The following SIPA1L1 variants were observed in gnomAD, a reference collection of about 807,000 sequenced individuals.
SIPA1L1 encodes the protein signal induced proliferation associated 1 like 1, also known as signal-induced proliferation-associated 1-like protein 1.
A neutral mutation model predicts 162.7 loss-of-function variants in SIPA1L1; 26 were observed. That is an observed-to-expected ratio of 0.16 (90% CI 0.12 to 0.22). The LOEUF is 0.22. Ranked by LOEUF, SIPA1L1 falls within the 10% of genes least tolerant of loss-of-function variation. SIPA1L1 has a pLI of 1.00. For synonymous variants in SIPA1L1, 829 were observed against 837.4 expected, an observed-to-expected ratio of 0.99 and a Z score of 0.17; for missense variants, 1,874 against 2,241.0, an observed-to-expected ratio of 0.84 and a Z score of 3.31.
intron 20 of SIPA1L1, 145 bp from the exon 21 acceptor site, chr14:71,733,521 G>T: frequency 1.3e-6 from 1 of 788,978 alleles, no homozygotes; most frequent in Non-Finnish European, 2.0e-6. Flanking sequence ...GTCAGCTTTA[G>T]AATAGCCACT....
At chr14:71,728,709 G>A (rs1419445150) in intron 19 of SIPA1L1, among the ~76,000 whole-genome samples, 2 of 152,186 alleles carry the variant, frequency 1.3e-5, no homozygotes, top group African/African-American at 2.4e-5. Context: ...TCCCAGGGTG[G>A]CTTTCAACCA....
At chr14:71,626,039 T>C (rs1001767092) in intron 7 of SIPA1L1, among the ~76,000 whole-genome samples, 4 of 151,930 alleles carry the variant, frequency 2.6e-5, no homozygotes, top group African/African-American at 9.7e-5. Flanking sequence ...CTATAAAGAG[T>C]TGAACTCAAA....
At chr14:71,516,680 T>C (rs1043447479) in intron 3 of SIPA1L1, among the ~76,000 whole-genome samples, 2 of 146,210 alleles carry the variant, frequency 1.4e-5, no homozygotes, top group Non-Finnish European at 3.0e-5. Context: ...TAAAAATGCC[T>C]TTTTTTTTTT....
At chr14:71,680,279 A>G (rs1449591328) in intron 12 of SIPA1L1, among the ~76,000 whole-genome samples, 5 of 152,208 alleles carry the variant, frequency 3.3e-5, no homozygotes, top group Admixed American at 3.3e-4. Context: ...AACTCACTCA[A>G]AACAGCTCAA....
rs1481464813 is a variant in SIPA1L1 at position 71,646,281 on chromosome 14, A to G, written c.1819-4054A>G. ...AAGCTCAGCCTCCCGGGTTCACGCC[A>G]TTCTCCTGCCTCAGCCTCCCGAGTA... On this transcript the variant is annotated intron_variant, in intron 7 of 23. Transcript: ENST00000381232. Among the ~76,000 whole-genome samples the G allele has an allele frequency of 4.0e-5, 6 of 148,902 alleles. No homozygotes were observed. In the East Asian group the frequency reaches 1.2e-3, roughly 30 times the overall value.
intron 4 of SIPA1L1, among the ~76,000 whole-genome samples, chr14:71,552,759 T>C (rs1033237672): frequency 2.0e-5 from 3 of 152,152 alleles, no homozygotes; most frequent in Non-Finnish European, 4.4e-5. Flanking sequence ...GAAAGTTCAG[T>C]CATTCCATAC....
intron 2 of SIPA1L1, among the ~76,000 whole-genome samples, chr14:71,401,357 T>A (rs756253242): frequency 6.6e-6 from 1 of 152,140 alleles, no homozygotes; most frequent in South Asian, 2.1e-4. Context: ...TTTTTTACTT[T>A]CTTTATTCTT....
At chr14:71,483,945 C>G (rs1177435921) in intron 2 of SIPA1L1, among the ~76,000 whole-genome samples, 1 of 152,182 alleles carries the variant, frequency 6.6e-6, no homozygotes, top group African/African-American at 2.4e-5. Context: ...CCTCTGCACT[C>G]CGTAGCACCC....
At chr14:71,552,422 C>T (rs1440262851) in intron 4 of SIPA1L1, among the ~76,000 whole-genome samples, 2 of 150,864 alleles carry the variant, frequency 1.3e-5, no homozygotes, top group South Asian at 2.1e-4. Flanking sequence ...GACGGAGTCC[C>T]GCTCTTTAGC....
chr14:71,719,795 TGTG>T (rs2083554609), intron 17 of SIPA1L1, among the ~76,000 whole-genome samples: 1 of 152,196 alleles, frequency 6.6e-6, no homozygotes, highest in Admixed American at 6.5e-5. Flanking sequence ...CCTGGCCTAT[TGTG>T]GGACTTTTTA....
Position 71,457,693 on chromosome 14 carries a change from C to T in SIPA1L1, c.-464-55050C>T, listed in dbSNP as rs529559057. Among the ~76,000 whole-genome samples, 4 of 152,188 alleles carry T rather than the reference C, an allele frequency of 2.6e-5. No individual in the cohort carries two copies. In the East Asian group the frequency reaches 7.7e-4, roughly 29 times the overall value. On this transcript the variant is annotated intron_variant, in intron 2 of 23. Transcript: ENST00000381232. The stretch of plus-strand genomic sequence containing the variant: ...CACTGCAACCTCCGCCTCCCAGGTT[C>T]AATCAATTCTCCTGCCTTAGCCTCC...
chr14:71,515,234 T>G (rs2144592759), intron 3 of SIPA1L1, among the ~76,000 whole-genome samples: 1 of 152,328 alleles, frequency 6.6e-6, no homozygotes, highest in East Asian at 1.9e-4. Flanking sequence ...TTATTCAGAG[T>G]GCTCTGAAGG....
chr14:71,400,276 G>T (rs1282282532), intron 2 of SIPA1L1, among the ~76,000 whole-genome samples: 1 of 152,122 alleles, frequency 6.6e-6, no homozygotes, highest in Non-Finnish European at 1.5e-5. Flanking sequence ...GGGGGATTAG[G>T]ACTATCTGTT....
chr14:71,424,487 G>T (rs183684611), intron 2 of SIPA1L1, among the ~76,000 whole-genome samples: 1 of 152,082 alleles, frequency 6.6e-6, no homozygotes, highest in Non-Finnish European at 1.5e-5. Flanking sequence ...TATCATGAAA[G>T]GGTGTTGAAT....
chr14:71,636,986 G>A lies in SIPA1L1; in HGVS notation c.1818+12750G>A, dbSNP rs565144686. On this transcript the variant is annotated intron_variant, in intron 7 of 23. Coordinates refer to ENST00000381232, the MANE Select transcript of SIPA1L1 (RefSeq NM_001386936.1). ...GAATTATTTGAACCCGGGAGGCAGG[G>A]GTCGCAGTGAGCTGAGATGGCGCCA... Among the ~76,000 whole-genome samples the A allele has an allele frequency of 7.3e-5, 11 of 151,522 alleles. No individual in the cohort carries two copies. In the South Asian group the frequency reaches 1.5e-3, roughly 20 times the overall value.
intron 2 of SIPA1L1, among the ~76,000 whole-genome samples, chr14:71,403,916 AACT>A (rs1330628032): frequency 6.6e-6 from 1 of 151,996 alleles, no homozygotes; most frequent in Non-Finnish European, 1.5e-5. Context: ...TTGCCTCTGA[AACT>A]ACTATTTTAT....
At chr14:71,699,970 T>C (rs2081961412) in intron 14 of SIPA1L1, among the ~76,000 whole-genome samples, 1 of 152,190 alleles carries the variant, frequency 6.6e-6, no homozygotes, top group Admixed American at 6.5e-5. Context: ...CAAAGAACAA[T>C]TAAGTTCTTC....
At chr14:71,672,234 A>G in intron 11 of SIPA1L1, 114 bp from the exon 12 acceptor site, 1 of 989,508 alleles carries the variant, frequency 1.0e-6, no homozygotes, top group Non-Finnish European at 1.5e-6. Flanking sequence ...ACTGCTCTTC[A>G]GCTGGCAATA....
intron 22 of SIPA1L1, 51 bp from the exon 23 acceptor site, chr14:71,738,187 CAAA>C (rs1555372069): frequency 3.6e-6 from 1 of 278,842 alleles, no homozygotes; most frequent in South Asian, 7.0e-5. Flanking sequence ...AAAAAAAAAA[CAAA>C]CCCAGCCATG....
Sources: gnomAD v4.1 joint callset for allele counts (sites outside exome capture counted in the v4.1 genomes callset) on GRCh38, gnomAD v4.1.1 for gene constraint, MANE v1.5 for transcripts, NCBI Gene and HGNC (gene_info 2026-07-23, HGNC 2026-07-21) for gene names.